Variants in FERRY3 observed in about 807,000 individuals in gnomAD.
The protein encoded by FERRY3 is protein C12orf4.
chr12:4,538,089 C>T, the FERRY3 span, among the ~76,000 whole-genome samples: 1 of 152,000 alleles, frequency 6.6e-6, no homozygotes, highest in Non-Finnish European at 1.5e-5. Flanking sequence ...AGCTCTGGTT[C>T]AACATTTAGA....
chr12:4,488,455 T>C, the FERRY3 span: 1 of 152,268 alleles, frequency 6.6e-6, no homozygotes, highest in African/African-American at 2.4e-5. The surrounding 1 kb of genome is among the most constrained non-coding windows in gnomAD (Gnocchi z 4.9). Flanking sequence ...ACCTGCCTTC[T>C]TGGCAGAATC....
the FERRY3 span, among the ~76,000 whole-genome samples, chr12:4,519,798 G>C: frequency 6.6e-6 from 1 of 152,194 alleles, no homozygotes; most frequent in African/African-American, 2.4e-5. The surrounding 1 kb of genome is among the most constrained non-coding windows in gnomAD (Gnocchi z 4.3). Flanking sequence ...ACTGTATTGT[G>C]AACTGCGCAT....
the FERRY3 span, among the ~76,000 whole-genome samples, chr12:4,515,146 G>C: frequency 9.9e-5 from 15 of 152,204 alleles, 1 homozygote; most frequent in African/African-American, 3.4e-4. Context: ...ATTACTCTGC[G>C]ATTTGAGCCA....
At chr12:4,494,738 G>T in the FERRY3 span, among the ~76,000 whole-genome samples, 122 of 152,296 alleles carry the variant, frequency 8.0e-4, no homozygotes, top group African/African-American at 2.8e-3. Context: ...TTCATAGCAG[G>T]TTCTGAAATT....
chr12:4,505,525 A>C, the FERRY3 span: 3 of 619,332 alleles, frequency 4.8e-6, no homozygotes, highest in African/African-American at 5.5e-5. Context: ...CTTTACATGG[A>C]TGATGTCATT....
the FERRY3 span, among the ~76,000 whole-genome samples, chr12:4,512,663 AG>A: frequency 6.7e-6 from 1 of 149,160 alleles, no homozygotes; most frequent in Non-Finnish European, 1.5e-5. Context: ...CAATAGATGC[AG>A]AAAAAGCCTT....
At chr12:4,518,330 T>G in the FERRY3 span, 13 of 1,308,880 alleles carry the variant, frequency 9.9e-6, no homozygotes, top group Non-Finnish European at 1.1e-5. Context: ...TGCAAATCTC[T>G]ATGGCAAGAA....
At chr12:4,538,254 C>CTGTGT in the FERRY3 span, among the ~76,000 whole-genome samples, 1 of 152,214 alleles carries the variant, frequency 6.6e-6, no homozygotes, top group East Asian at 1.9e-4. Flanking sequence ...GGACCGAACA[C>CTGTGT]ACACAGCCAA....
chr12:4,528,548 C>G, the FERRY3 span, among the ~76,000 whole-genome samples: 1 of 151,964 alleles, frequency 6.6e-6, no homozygotes, highest in Non-Finnish European at 1.5e-5. Context: ...TAAACAGTGA[C>G]AAATATCTCA....
At chr12:4,492,525 C>T in the FERRY3 span, among the ~76,000 whole-genome samples, 31 of 152,270 alleles carry the variant, frequency 2.0e-4, no homozygotes, top group East Asian at 5.2e-3. Flanking sequence ...ATTACCAAAC[C>T]TTTTCTCAGT....
the FERRY3 span, among the ~76,000 whole-genome samples, chr12:4,509,907 T>C: frequency 5.7e-5 from 8 of 140,440 alleles, 1 homozygote; most frequent in Non-Finnish European, 9.0e-5. Context: ...AGAATGACTT[T>C]GACGAGCTGA....
chr12:4,538,380 A>G, the FERRY3 span: 1 of 155,002 alleles, frequency 6.5e-6, no homozygotes, highest in Non-Finnish European at 1.4e-5. Flanking sequence ...TCAGTCTGAA[A>G]GGGCATCCTC....
At chr12:4,487,882 CT>C in the FERRY3 span, 280 of 152,278 alleles carry the variant, frequency 1.8e-3, 1 homozygote, top group African/African-American at 6.4e-3. Flanking sequence ...ACCACTCCCC[CT>C]CAAGAAGCCC....
At chr12:4,538,230 G>T in the FERRY3 span, among the ~76,000 whole-genome samples, 1 of 152,212 alleles carries the variant, frequency 6.6e-6, no homozygotes, top group Non-Finnish European at 1.5e-5. Flanking sequence ...ATAAGAAAAT[G>T]GGATGGAAGG....
the FERRY3 span, among the ~76,000 whole-genome samples, chr12:4,517,710 C>CAGAGAGAGAGAGAGAGAG: frequency 3.0e-3 from 402 of 132,262 alleles, 7 homozygotes; most frequent in African/African-American, 0.011. Context: ...TATATATAGA[C>CAGAGAGAGAGAGAGAGAG]AGAGAGAGAG....
At chr12:4,534,036 T>C in the FERRY3 span, 11 of 1,085,096 alleles carry the variant, frequency 1.0e-5, no homozygotes, top group East Asian at 8.0e-5. Flanking sequence ...ATATACATTA[T>C]AGAATATTGT....
the FERRY3 span, among the ~76,000 whole-genome samples, chr12:4,498,320 CT>C: frequency 6.6e-6 from 1 of 152,150 alleles, no homozygotes; most frequent in Non-Finnish European, 1.5e-5. Flanking sequence ...TCATCATAAA[CT>C]TTGTTACTCC....
chr12:4,525,361 T>C, the FERRY3 span: 12 of 1,613,292 alleles, frequency 7.4e-6, no homozygotes, highest in Non-Finnish European at 9.3e-6. Context: ...CATTCGACCA[T>C]TTATTTTCTA....
At chr12:4,514,384 T>C in the FERRY3 span, among the ~76,000 whole-genome samples, 1 of 152,016 alleles carries the variant, frequency 6.6e-6, no homozygotes, top group Non-Finnish European at 1.5e-5. Flanking sequence ...GACCCAGCCA[T>C]CCCATTACTG....
Sources: allele counts gnomAD v4.1 joint callset (sites outside exome capture counted in the v4.1 genomes callset), GRCh38; gene constraint gnomAD v4.1.1; non-coding constraint Gnocchi (gnomAD v3.1); transcripts MANE v1.5; gene names NCBI Gene and HGNC (gene_info 2026-07-23, HGNC 2026-07-21).